The following LRBA variants were observed in gnomAD, a reference collection of about 807,000 sequenced individuals.
The protein encoded by LRBA is lipopolysaccharide-responsive and beige-like anchor protein.
A neutral mutation model predicts 330.0 loss-of-function variants in LRBA; 176 were observed. That is an observed-to-expected ratio of 0.53 (90% CI 0.47 to 0.60). The LOEUF is 0.60. Among genes scored for constraint, LRBA ranks in the 20% least tolerant of loss-of-function variants. The pLI, the probability that LRBA is intolerant of heterozygous loss-of-function variation, is 0.00. For missense variants in LRBA, 3,259 were observed against 3,444.8 expected (o/e 0.95, Z 1.35); for synonymous variants, 1,230 against 1,193.0 (o/e 1.03, Z -0.64).
chr4:150,942,123 T>C (rs959568927), intron 2 of LRBA, among the ~76,000 whole-genome samples: 2 of 152,172 alleles, frequency 1.3e-5, no homozygotes, highest in Non-Finnish European at 2.9e-5. Flanking sequence ...GTCCAAAATA[T>C]TTCCTAATTA....
chr4:150,647,349 T>C (rs916857463), intron 37 of LRBA, among the ~76,000 whole-genome samples: 2 of 112,250 alleles, frequency 1.8e-5, no homozygotes, highest in Non-Finnish European at 3.7e-5. Flanking sequence ...ATGATTACTT[T>C]TTCTTTTTTT....
intron 44 of LRBA, among the ~76,000 whole-genome samples, chr4:150,466,514 T>C (rs1050771410): frequency 9.9e-5 from 15 of 152,066 alleles, no homozygotes; most frequent in African/African-American, 2.9e-4. Context: ...GAAATGACTA[T>C]GTATACCCTT....
chr4:150,798,161 TA>T lies in LRBA; in HGVS notation c.5519-20del. The T allele has an allele frequency of 6.6e-7, 1 of 1,520,264 alleles. No homozygotes were observed. The highest frequency in any genetic ancestry group is 9.1e-7 in the Non-Finnish European group (1 of 1,097,788). 94.2% of individuals were successfully genotyped at this position (1,520,264 alleles called of 1,614,324 possible). On this transcript the variant is annotated intron_variant, in intron 33 of 56. Transcript: ENST00000651943. ...ACCAGACCTATTTTAAAGAGAATTT[TA>T]AAAAAGAAGTTATAAAGAAAACAAA... is the stretch of plus-strand genomic sequence containing the variant.
intron 48 of LRBA, among the ~76,000 whole-genome samples, chr4:150,328,098 C>T (rs1733522579): frequency 6.6e-6 from 1 of 152,012 alleles, no homozygotes; most frequent in African/African-American, 2.4e-5. Context: ...GGACTGATGA[C>T]TTTGAGCAAT....
At chr4:150,808,286 TA>T in intron 32 of LRBA, 33 bp downstream of exon 32, 1 of 1,376,160 alleles carries the variant, frequency 7.3e-7, no homozygotes, top group Non-Finnish European at 1.0e-6. Context: ...TCAAAAGGTA[TA>T]AATCACAATA....
chr4:150,741,015 C>T (rs993032148), intron 35 of LRBA, among the ~76,000 whole-genome samples: 1 of 152,018 alleles, frequency 6.6e-6, no homozygotes, highest in African/African-American at 2.4e-5. Context: ...AAACCAATTC[C>T]AAATGAATCC....
intron 2 of LRBA, among the ~76,000 whole-genome samples, chr4:150,941,871 T>C (rs565939461): frequency 9.4e-5 from 14 of 149,564 alleles, no homozygotes; most frequent in Admixed American, 7.9e-4. Context: ...TGGGCAAGAC[T>C]CTGTCTCAAA....
At chr4:150,625,994 A>C (rs1482304733) in intron 37 of LRBA, among the ~76,000 whole-genome samples, 1 of 151,482 alleles carries the variant, frequency 6.6e-6, no homozygotes, top group East Asian at 1.9e-4. Flanking sequence ...CCTTGGCCGG[A>C]TATATTTTTT....
chr4:150,779,445 C>T (rs1257371371), intron 34 of LRBA, among the ~76,000 whole-genome samples: 2 of 151,626 alleles, frequency 1.3e-5, no homozygotes, highest in East Asian at 3.9e-4. Flanking sequence ...TAATATTATG[C>T]AAAACAGGAA....
chr4:150,656,797 C>T (rs761132750), intron 37 of LRBA, among the ~76,000 whole-genome samples: 1 of 151,982 alleles, frequency 6.6e-6, no homozygotes, highest in Non-Finnish European at 1.5e-5. Context: ...AACAATGTTG[C>T]AAACAGTGAA....
chr4:150,299,732 T>G (rs1441186844), intron 53 of LRBA, among the ~76,000 whole-genome samples: 4 of 151,996 alleles, frequency 2.6e-5, no homozygotes, highest in Non-Finnish European at 5.9e-5. Flanking sequence ...AAAAAAACCC[T>G]GAGATAGACC....
chr4:150,730,635 A>T (rs934318482), intron 36 of LRBA, among the ~76,000 whole-genome samples: 1 of 149,252 alleles, frequency 6.7e-6, no homozygotes, highest in Non-Finnish European at 1.5e-5. Context: ...GTGAGCCAAG[A>T]TCGCATCACT....
chr4:150,811,182 G>C (rs1743667619), intron 31 of LRBA, among the ~76,000 whole-genome samples: 1 of 152,138 alleles, frequency 6.6e-6, no homozygotes, highest in East Asian at 1.9e-4. Flanking sequence ...TATGATCACT[G>C]AATCACAGTG....
chr4:150,926,866 T>G (rs1221123958), intron 4 of LRBA, among the ~76,000 whole-genome samples: 1 of 142,670 alleles, frequency 7.0e-6, no homozygotes, highest in East Asian at 2.1e-4. Context: ...AGGTCAGGAG[T>G]TCGAGACCAT....
chr4:150,407,591 T>C (rs1746379353), intron 47 of LRBA, among the ~76,000 whole-genome samples: 1 of 152,174 alleles, frequency 6.6e-6, no homozygotes, highest in Non-Finnish European at 1.5e-5. Context: ...CTTCTAAAGA[T>C]AACATGAAGA....
At chr4:150,898,425 CAT>C (rs1229886173) in intron 14 of LRBA, among the ~76,000 whole-genome samples, 2 of 152,172 alleles carry the variant, frequency 1.3e-5, no homozygotes, top group South Asian at 2.1e-4. Context: ...ATGTCTCAAA[CAT>C]ATAATTCCCA....
chr4:150,685,470 G>A (rs1430258461), intron 36 of LRBA, among the ~76,000 whole-genome samples: 11 of 104,608 alleles, frequency 1.1e-4, no homozygotes, highest in Admixed American at 5.2e-4. Context: ...TTGCTCTGTC[G>A]CCCAGGCTGG....
At chr4:150,761,982 C>T (rs1735157337) in intron 34 of LRBA, 135 bp from the exon 35 acceptor site, 1 of 588,116 alleles carries the variant, frequency 1.7e-6, no homozygotes, top group Non-Finnish European at 3.0e-6. Context: ...ACCATATGAA[C>T]AGGTAATACT....
At chr4:150,470,015 T>C (rs1755896631) in intron 43 of LRBA, among the ~76,000 whole-genome samples, 2 of 151,964 alleles carry the variant, frequency 1.3e-5, no homozygotes, top group Non-Finnish European at 2.9e-5. Context: ...AAACCCCGTC[T>C]CTACTAAAAA....
Sources: gnomAD v4.1 joint callset for allele counts (sites outside exome capture counted in the v4.1 genomes callset) on GRCh38, gnomAD v4.1.1 for gene constraint, MANE v1.5 for transcripts, NCBI Gene and HGNC (gene_info 2026-07-23, HGNC 2026-07-21) for gene names.